ZFHX3: variants seen among roughly 807,000 people sequenced by gnomAD.
The protein encoded by ZFHX3 is zinc finger homeobox 3.
Under a neutral mutation model 279.1 loss-of-function variants are expected in ZFHX3, and 42 were observed. The ratio of observed to expected loss-of-function variants is 0.15; its 90% CI spans 0.12 to 0.19. The LOEUF is 0.19. ZFHX3 is among the 10% of genes least tolerant of loss of function. The pLI is 1.00. For synonymous variants in ZFHX3, 2,293 were observed against 1,957.8 expected, an observed-to-expected ratio of 1.17 and a Z score of -4.52; for missense variants, 4,981 against 4,754.0, an observed-to-expected ratio of 1.05 and a Z score of -1.40.
intron 1 of ZFHX3, among the ~76,000 whole-genome samples, chr16:73,013,521 C>G (rs1054611514): frequency 1.3e-5 from 2 of 152,186 alleles, no homozygotes; most frequent in Non-Finnish European, 2.9e-5. Flanking sequence ...CTTCCAGGCT[C>G]AAGTGATCTG....
At chr16:73,853,442 C>T (rs188707595) in intron 1 of ZFHX3, among the ~76,000 whole-genome samples, 2 of 152,252 alleles carry the variant, frequency 1.3e-5, no homozygotes, top group African/African-American at 2.4e-5. Context: ...TATCCATCAA[C>T]AGTTGACTGG....
At chr16:73,236,625 A>G (rs2012958224) in intron 5 of ZFHX3, among the ~76,000 whole-genome samples, 1 of 152,188 alleles carries the variant, frequency 6.6e-6, no homozygotes, top group Non-Finnish European at 1.5e-5. Flanking sequence ...TGATCTCTAC[A>G]AAGGGTTTTT....
intron 5 of ZFHX3, among the ~76,000 whole-genome samples, chr16:73,179,809 G>C (rs375921201): frequency 6.6e-6 from 1 of 152,150 alleles, no homozygotes; most frequent in Non-Finnish European, 1.5e-5. Context: ...TAGCAAACTC[G>C]AGATGGGGTT....
chr16:73,838,162 T>A (rs1164113323), intron 1 of ZFHX3, among the ~76,000 whole-genome samples: 1 of 152,238 alleles, frequency 6.6e-6, no homozygotes, highest in Non-Finnish European at 1.5e-5. Context: ...AAATGACTAC[T>A]GTATCTCTAG....
intron 2 of ZFHX3, among the ~76,000 whole-genome samples, chr16:73,528,962 G>T (rs1450011448): frequency 6.6e-6 from 1 of 152,156 alleles, no homozygotes; most frequent in Admixed American, 6.5e-5. Context: ...CGAATCCCCA[G>T]TTCCATAACA....
intron 2 of ZFHX3, among the ~76,000 whole-genome samples, chr16:73,520,185 A>T (rs1366830710): frequency 6.6e-6 from 1 of 152,092 alleles, no homozygotes; most frequent in Non-Finnish European, 1.5e-5. Context: ...TTCAAATCTC[A>T]CTCTTAAAAA....
intron 1 of ZFHX3, among the ~76,000 whole-genome samples, chr16:73,723,129 A>G (rs1458249539): frequency 6.6e-6 from 1 of 152,212 alleles, no homozygotes; most frequent in East Asian, 1.9e-4. Context: ...AACAATATCC[A>G]CTATGAGAAA....
intron 6 of ZFHX3, among the ~76,000 whole-genome samples, chr16:73,131,692 T>G (rs59078040): frequency 0.034 from 5,156 of 152,298 alleles, 277 homozygotes; most frequent in African/African-American, 0.12. Context: ...CAAGATCTGA[T>G]TTCTTTTGTG....
At chr16:73,329,713 A>T (rs2015763563) in intron 3 of ZFHX3, among the ~76,000 whole-genome samples, 1 of 152,236 alleles carries the variant, frequency 6.6e-6, no homozygotes, top group South Asian at 2.1e-4. Flanking sequence ...TTGGTGGGAA[A>T]GCGGAGAAGG....
At chr16:72,975,037 C>G (rs1423705193) in intron 1 of ZFHX3, among the ~76,000 whole-genome samples, 1 of 152,112 alleles carries the variant, frequency 6.6e-6, no homozygotes, top group Non-Finnish European at 1.5e-5. Flanking sequence ...TAAAGTGAAC[C>G]GGCAGCAAGA....
intron 1 of ZFHX3, among the ~76,000 whole-genome samples, chr16:73,791,409 CTTAT>C (rs1269683930): frequency 6.6e-6 from 1 of 151,980 alleles, no homozygotes; most frequent in Admixed American, 6.6e-5. Flanking sequence ...TTTGCATTTA[CTTAT>C]TTATTTATTT....
chr16:73,103,611 G>C (rs759553396), intron 7 of ZFHX3, among the ~76,000 whole-genome samples: 4 of 152,182 alleles, frequency 2.6e-5, no homozygotes, highest in Non-Finnish European at 5.9e-5. Context: ...GAACTCCTCA[G>C]GGGTAGGAAT....
chr16:73,513,901 A>G (rs997361365), intron 2 of ZFHX3, among the ~76,000 whole-genome samples: 2 of 152,160 alleles, frequency 1.3e-5, no homozygotes, highest in South Asian at 4.1e-4. Flanking sequence ...TGGCTATGCC[A>G]GATGATTAGT....
intron 3 of ZFHX3, among the ~76,000 whole-genome samples, chr16:72,941,141 C>T (rs532843625): frequency 6.6e-6 from 1 of 152,236 alleles, no homozygotes; most frequent in East Asian, 1.9e-4. Flanking sequence ...CTGTGTGACG[C>T]AAAGGCATTT....
At chr16:73,130,402 C>G (rs1445596303) in intron 7 of ZFHX3, among the ~76,000 whole-genome samples, 1 of 152,168 alleles carries the variant, frequency 6.6e-6, no homozygotes, top group Non-Finnish European at 1.5e-5. Context: ...TCTTTACAGA[C>G]AATACCAGGA....
chr16:73,564,552 T>C (rs1190944089), intron 2 of ZFHX3, among the ~76,000 whole-genome samples: 1 of 152,174 alleles, frequency 6.6e-6, no homozygotes, highest in Admixed American at 6.5e-5. Flanking sequence ...TGACTGCCTC[T>C]CTTCCACCCA....
At chr16:73,657,147 G>C in intron 2 of ZFHX3, among the ~76,000 whole-genome samples, 1 of 152,214 alleles carries the variant, frequency 6.6e-6, no homozygotes, top group Non-Finnish European at 1.5e-5. Context: ...ATATACGGTA[G>C]AATTCACCCA....
chr16:72,902,256 G>A (rs78866536), intron 3 of ZFHX3, among the ~76,000 whole-genome samples: 1 of 152,314 alleles, frequency 6.6e-6, no homozygotes, highest in East Asian at 1.9e-4. Flanking sequence ...CATTACAGCT[G>A]TTCGTTCCTT....
chr16:72,896,319 A>AG (rs2038899371), intron 3 of ZFHX3, among the ~76,000 whole-genome samples: 1 of 152,168 alleles, frequency 6.6e-6, no homozygotes, highest in Non-Finnish European at 1.5e-5. Context: ...TTTCGCTGGA[A>AG]GGGGGACACT....
Sources: gnomAD v4.1 joint callset for allele counts (sites outside exome capture counted in the v4.1 genomes callset) on GRCh38, gnomAD v4.1.1 for gene constraint, MANE v1.5 for transcripts, NCBI Gene and HGNC (gene_info 2026-07-23, HGNC 2026-07-21) for gene names.